The following TNIK variants were observed in gnomAD, a reference collection of about 807,000 sequenced individuals.
The protein encoded by TNIK is TRAF2 and NCK interacting kinase.
In TNIK, 49 loss-of-function variants were observed where a neutral mutation model predicts 191.3. The observed-to-expected ratio is 0.26, with a 90% CI of 0.20 to 0.32. The LOEUF (loss-of-function observed/expected upper bound fraction) is 0.32. TNIK is among the 10% of genes least tolerant of loss of function. The pLI is 1.00. For synonymous variants in TNIK, 594 were observed against 600.9 expected (o/e 0.99, Z 0.17); for missense variants, 1,155 against 1,702.3 (o/e 0.68, Z 5.66).
rs892003966 is a variant in TNIK at position 171,143,396 on chromosome 3, T to C, written c.1222-2887A>G. Among the ~76,000 whole-genome samples the C allele has an allele frequency of 2.6e-5, 4 of 152,332 alleles. No homozygotes were observed. The South Asian group carries it at 6.2e-4, about 24-fold the overall frequency. ...ACCTTTACAAAGCTCTGATGACTCT[T>C]GCTAGAAGCAGCTCTCTGAGGGCAA... On this transcript the variant is annotated intron_variant, in intron 12 of 32. Coordinates refer to ENST00000436636, the MANE Select transcript of TNIK (RefSeq NM_015028.4).
At chr3:171,171,157 G>T (rs1167082676) in intron 9 of TNIK, among the ~76,000 whole-genome samples, 1 of 152,088 alleles carries the variant, frequency 6.6e-6, no homozygotes, top group East Asian at 1.9e-4. Context: ...GAGTCAACTG[G>T]GCTGTTATCT....
intron 2 of TNIK, among the ~76,000 whole-genome samples, chr3:171,345,490 C>A (rs999174220): frequency 2.7e-5 from 4 of 150,920 alleles, no homozygotes; most frequent in African/African-American, 9.7e-5. Context: ...GTAGTTAAAT[C>A]TTAGGCTCAC....
At chr3:171,193,268 C>T (rs991258943) in intron 5 of TNIK, among the ~76,000 whole-genome samples, 4 of 152,212 alleles carry the variant, frequency 2.6e-5, no homozygotes, top group Admixed American at 2.6e-4. Flanking sequence ...TGCTCTTCTT[C>T]TTCAAGATTG....
chr3:171,157,358 G>GA, intron 12 of TNIK, 102 bp downstream of exon 12: 3 of 1,404,388 alleles, frequency 2.1e-6, no homozygotes, highest in Non-Finnish European at 2.9e-6. Context: ...GTGCCTCTAA[G>GA]CTCTGTGTGC....
At chr3:171,268,403 T>C (rs928631459) in intron 2 of TNIK, among the ~76,000 whole-genome samples, 5 of 152,032 alleles carry the variant, frequency 3.3e-5, no homozygotes, top group African/African-American at 1.2e-4. Context: ...ACAAGAATTA[T>C]CCCTACTCCC....
intron 1 of TNIK, among the ~76,000 whole-genome samples, chr3:171,371,849 G>A (rs1483877737): frequency 6.6e-6 from 1 of 152,182 alleles, no homozygotes; most frequent in Non-Finnish European, 1.5e-5. Context: ...TGTTTGCTTG[G>A]TGGTGTTTCT....
intron 1 of TNIK, among the ~76,000 whole-genome samples, chr3:171,386,146 A>G (rs1718701141): frequency 6.6e-6 from 1 of 152,204 alleles, no homozygotes; most frequent in African/African-American, 2.4e-5. Flanking sequence ...GGTTAAGTAA[A>G]TAATTTTACC....
intron 2 of TNIK, among the ~76,000 whole-genome samples, chr3:171,236,898 G>A (rs1400280466): frequency 2.0e-5 from 3 of 152,180 alleles, no homozygotes; most frequent in African/African-American, 7.2e-5. Flanking sequence ...GGAGTGGGCA[G>A]GGTTGGCTTT....
At chr3:171,387,859 AGTGATT>A (rs1297050976) in intron 1 of TNIK, among the ~76,000 whole-genome samples, 13 of 152,008 alleles carry the variant, frequency 8.6e-5, no homozygotes, top group Admixed American at 2.6e-4. Context: ...GTGGGGATAG[AGTGATT>A]GTATGTTCTC....
intron 2 of TNIK, among the ~76,000 whole-genome samples, chr3:171,286,121 T>G (rs540724061): frequency 6.6e-6 from 1 of 152,284 alleles, no homozygotes; most frequent in East Asian, 1.9e-4. Flanking sequence ...TGTCTGATGA[T>G]GAGCCATTGA....
At chr3:171,424,715 C>G (rs964073174) in intron 1 of TNIK, among the ~76,000 whole-genome samples, 4 of 151,596 alleles carry the variant, frequency 2.6e-5, no homozygotes, top group African/African-American at 9.7e-5. Flanking sequence ...CCATCATTCT[C>G]AGCAAACTAT....
intron 1 of TNIK, among the ~76,000 whole-genome samples, chr3:171,377,461 T>G (rs1244424386): frequency 6.6e-6 from 1 of 152,198 alleles, no homozygotes; most frequent in Non-Finnish European, 1.5e-5. Flanking sequence ...ATTTGAAACA[T>G]CACTCCTCGG....
Position 171,138,259 on chromosome 3 carries a change from C to T in TNIK, c.1540G>A (p.Glu514Lys). The change falls in exon 15 of 33, where the codon GAG becomes AAG. Residue 514 changes from glutamate to lysine, a missense_variant. Physicochemically the swap from Glu to Lys is moderately conservative, Grantham distance 56 (BLOSUM62 1). Coordinates refer to ENST00000436636, the MANE Select transcript of TNIK (RefSeq NM_015028.4). ...QHQRQEQRPV[E>K]KKPLYHYKEG... ...TTGTAATGGTACAGTGGCTTCTTCTCCACAGGCCTCTGCTCCTGCCGCTGA... is the reference window on the plus strand; with the variant it reads ...TTGTAATGGTACAGTGGCTTCTTCTTCACAGGCCTCTGCTCCTGCCGCTGA... 1.2e-6 allele frequency: 2 copies of T among 1,613,684 alleles called. No individual in the cohort carries two copies. The highest frequency in any genetic ancestry group is 8.5e-7 in the Non-Finnish European group (1 of 1,179,836).
At chr3:171,433,496 T>C (rs534313512) in intron 1 of TNIK, among the ~76,000 whole-genome samples, 1 of 152,296 alleles carries the variant, frequency 6.6e-6, no homozygotes, top group Admixed American at 6.5e-5. Context: ...AGAGTGCTTA[T>C]ATTAATAAAA....
intron 1 of TNIK, among the ~76,000 whole-genome samples, chr3:171,452,767 CACACAT>C (rs1478847756): frequency 2.7e-5 from 4 of 149,264 alleles, no homozygotes; most frequent in Admixed American, 6.6e-5. Flanking sequence ...CACACACACA[CACACAT>C]ACGCCTTGCA....
chr3:171,228,144 T>A (rs763226623), intron 3 of TNIK, 21 bp downstream of exon 3: 2 of 1,613,278 alleles, frequency 1.2e-6, no homozygotes, highest in Non-Finnish European at 1.7e-6. Flanking sequence ...GCTATTGAGA[T>A]GGCAAAATAA....
At chr3:171,305,999 G>A (rs562665108) in intron 2 of TNIK, among the ~76,000 whole-genome samples, 3 of 152,114 alleles carry the variant, frequency 2.0e-5, no homozygotes. Flanking sequence ...TAAATAAAAT[G>A]TAGTACATAT....
At chr3:171,211,330 GT>G in intron 3 of TNIK, 89 bp from the exon 4 acceptor site, 1 of 1,424,474 alleles carries the variant, frequency 7.0e-7, no homozygotes, top group Non-Finnish European at 9.4e-7. Context: ...ATTTTTTCTT[GT>G]TTTTTCTTCC....
intron 11 of TNIK, 64 bp downstream of exon 11, chr3:171,161,206 G>T: frequency 6.5e-7 from 1 of 1,532,814 alleles, no homozygotes; most frequent in East Asian, 2.3e-5. Context: ...CAAAAGGAAA[G>T]TGAATTTCAC....
Sources: gnomAD v4.1 joint callset for allele counts (sites outside exome capture counted in the v4.1 genomes callset) on GRCh38, gnomAD v4.1.1 for gene constraint, MANE v1.5 for transcripts, NCBI Gene and HGNC (gene_info 2026-07-23, HGNC 2026-07-21) for gene names.